Variants in SLC25A13 observed in about 807,000 individuals in gnomAD.
SLC25A13 encodes the protein electrogenic aspartate/glutamate antiporter SLC25A13, mitochondrial.
In SLC25A13, 70 loss-of-function variants were observed where a neutral mutation model predicts 85.5. That is an observed-to-expected ratio of 0.82 (90% confidence interval 0.68 to 1.00). The LOEUF (loss-of-function observed/expected upper bound fraction) is 1.00, where lower values mean the gene tolerates loss of function less well. Ranked by LOEUF, SLC25A13 falls within the 50% of genes least tolerant of loss-of-function variation. SLC25A13 has a pLI of 0.00. For missense variants in SLC25A13, 765 were observed against 819.8 expected (o/e 0.93, Z 0.82); for synonymous variants, 259 against 288.7 (o/e 0.90, Z 1.04).
At chr7:96,167,945 A>G (rs1584401183) in intron 13 of SLC25A13, among the ~76,000 whole-genome samples, 3 of 152,016 alleles carry the variant, frequency 2.0e-5, no homozygotes. Flanking sequence ...TAAAAATGCA[A>G]AAAAGTTAGC....
chr7:96,211,632 G>A (rs1223307889), intron 4 of SLC25A13, among the ~76,000 whole-genome samples: 2 of 152,188 alleles, frequency 1.3e-5, no homozygotes, highest in Non-Finnish European at 1.5e-5. Flanking sequence ...GGCTGGCACA[G>A]TGGTAGGCAG....
At chr7:96,290,671 A>G (rs1401855192) in intron 2 of SLC25A13, among the ~76,000 whole-genome samples, 1 of 152,192 alleles carries the variant, frequency 6.6e-6, no homozygotes, top group Non-Finnish European at 1.5e-5. Flanking sequence ...AAAGATCAAA[A>G]AAGACAAAGA....
chr7:96,170,063 T>A lies in SLC25A13; in HGVS notation c.1293A>T (p.Glu431Asp). The A allele has an allele frequency of 6.2e-7, 1 of 1,614,188 alleles. No individual in the cohort carries two copies. Among genetic ancestry groups the A allele is most frequent in the Non-Finnish European group, 8.5e-7 (1 of 1,180,034 alleles). The change falls in exon 13 of 18, where the codon GAA (glutamate) becomes GAT (aspartate). Residue 431 changes from glutamate to aspartate, a missense_variant. Coordinates refer to ENST00000265631, the MANE Select transcript of SLC25A13 (RefSeq NM_014251.3). ...TACTTACGCAGCCTCCAGCAAGAAT[T>A]TCTGCTGCAAGTGGGACCGAACCAT... Reference protein sequence around the residue: ...HKDGSVPLAAEILAGGCAGGS... With the variant: ...HKDGSVPLAADILAGGCAGGS...
At chr7:96,245,627 G>T (rs1166383028) in intron 3 of SLC25A13, among the ~76,000 whole-genome samples, 1 of 152,154 alleles carries the variant, frequency 6.6e-6, no homozygotes, top group Non-Finnish European at 1.5e-5. Context: ...TAATGTGCAT[G>T]ACAAATAGTC....
intron 3 of SLC25A13, among the ~76,000 whole-genome samples, chr7:96,274,686 T>C (rs1249658827): frequency 6.6e-6 from 1 of 152,220 alleles, no homozygotes; most frequent in Non-Finnish European, 1.5e-5. Context: ...AATTTTTGTA[T>C]AAGGTGTAAG....
rs182374172 is a variant in SLC25A13, at chr7:96,154,170, A to G, written c.1312-7474T>C. ...GAATATTCTGAATAAAAAATCGTGT[A>G]GAGGATCTTATATCAGTACACATTT... On this transcript the variant is annotated intron_variant, in intron 13 of 17. Transcript: ENST00000265631. Among the ~76,000 whole-genome samples the G allele has an allele frequency of 3.3e-5, 5 of 152,332 alleles. No homozygotes were observed. The East Asian group carries it at 7.7e-4, about 23-fold the overall frequency.
intron 4 of SLC25A13, among the ~76,000 whole-genome samples, chr7:96,212,066 G>A (rs1315990200): frequency 6.9e-6 from 1 of 145,598 alleles, no homozygotes; most frequent in Non-Finnish European, 1.5e-5. Context: ...ACCAAGCAGT[G>A]TAATGCAGGA....
chr7:96,311,512 C>T (rs1373420371), intron 1 of SLC25A13, among the ~76,000 whole-genome samples: 1 of 152,132 alleles, frequency 6.6e-6, no homozygotes, highest in Non-Finnish European at 1.5e-5. Flanking sequence ...ATTCCCTCAT[C>T]AAATAAACTG....
At chr7:96,271,243 A>G (rs1236353687) in intron 3 of SLC25A13, among the ~76,000 whole-genome samples, 1 of 152,196 alleles carries the variant, frequency 6.6e-6, no homozygotes, top group African/African-American at 2.4e-5. Flanking sequence ...ACACTTAACT[A>G]AATTTAGTCA....
intron 1 of SLC25A13, among the ~76,000 whole-genome samples, chr7:96,297,661 G>A (rs1799396444): frequency 1.3e-5 from 2 of 152,128 alleles, no homozygotes; most frequent in South Asian, 4.1e-4. Flanking sequence ...AAAGAAGTCA[G>A]TGAACTAGGG....
chr7:96,304,463 A>G (rs1482187053), intron 1 of SLC25A13, among the ~76,000 whole-genome samples: 4 of 152,180 alleles, frequency 2.6e-5, no homozygotes. Flanking sequence ...TAAAATTCTG[A>G]TATTAAGAGG....
intron 15 of SLC25A13, among the ~76,000 whole-genome samples, chr7:96,128,972 C>CTT (rs1209438815): frequency 6.6e-6 from 1 of 150,486 alleles, no homozygotes; most frequent in African/African-American, 2.4e-5. Flanking sequence ...CTCTCTCTCT[C>CTT]TCTCTCTCTC....
intron 9 of SLC25A13, among the ~76,000 whole-genome samples, chr7:96,188,796 G>T (rs190667383): frequency 1.2e-4 from 19 of 152,236 alleles, no homozygotes; most frequent in Non-Finnish European, 2.5e-4. Flanking sequence ...GAGAAAATAG[G>T]TCTGAAAGCC....
chr7:96,315,909 T>C (rs370228684), intron 1 of SLC25A13, among the ~76,000 whole-genome samples: 1 of 151,330 alleles, frequency 6.6e-6, no homozygotes, highest in South Asian at 2.1e-4. Flanking sequence ...GGAGGTTAAA[T>C]ATACAGCCCA....
chr7:96,252,150 A>T (rs1316856551), intron 3 of SLC25A13, among the ~76,000 whole-genome samples: 1 of 152,146 alleles, frequency 6.6e-6, no homozygotes, highest in Non-Finnish European at 1.5e-5. Context: ...TTCTTGGTCA[A>T]CTTTCCAGCA....
In SLC25A13 at chr7:96,144,629, G is replaced by A. The variant is rs77888980; in HGVS notation, c.1452+1927C>T. On this transcript the variant is annotated intron_variant, in intron 14 of 17. Coordinates refer to ENST00000265631, the MANE Select transcript of SLC25A13 (RefSeq NM_014251.3). The stretch of plus-strand genomic sequence containing the variant: ...AGGAAAGCAATTTTAGCACAAAAGT[G>A]GAAACAAGAAACTTCTGAGCCTCAA... 4.7e-3 allele frequency among the ~76,000 whole-genome samples: 723 copies of A among 152,274 alleles called. 6 individuals are homozygous for A. Among genetic ancestry groups the A allele is most frequent in the South Asian group, 0.029 (140 of 4,824 alleles).
At chr7:96,291,805 A>C (rs1799130374) in intron 2 of SLC25A13, among the ~76,000 whole-genome samples, 1 of 152,204 alleles carries the variant, frequency 6.6e-6, no homozygotes, top group Non-Finnish European at 1.5e-5. Context: ...CAACCAAAAA[A>C]AGTCCAGGAC....
chr7:96,252,083 G>A (rs569275290), intron 3 of SLC25A13, among the ~76,000 whole-genome samples: 16 of 152,274 alleles, frequency 1.1e-4, no homozygotes, highest in African/African-American at 3.4e-4. Flanking sequence ...CTTAGAGTTT[G>A]CCTTTGAATC....
intron 13 of SLC25A13, among the ~76,000 whole-genome samples, chr7:96,157,671 G>A (rs1473488845): frequency 6.6e-6 from 1 of 152,124 alleles, no homozygotes; most frequent in Admixed American, 6.5e-5. Context: ...GGGCATGGTG[G>A]TGCGTGCCTG....
Sources: allele counts gnomAD v4.1 joint callset (sites outside exome capture counted in the v4.1 genomes callset), GRCh38; gene constraint gnomAD v4.1.1; transcripts MANE v1.5; gene names NCBI Gene and HGNC (gene_info 2026-07-23, HGNC 2026-07-21).